PRLR: variants seen among roughly 807,000 people sequenced by gnomAD.
PRLR encodes prolactin receptor, also known as hPRL receptor.
A neutral mutation model predicts 40.2 loss-of-function variants in PRLR; 13 were observed. The observed-to-expected ratio is 0.32, with a 90% confidence interval of 0.21 to 0.51. The LOEUF is 0.51. Among genes scored for constraint, PRLR ranks in the 20% least tolerant of loss-of-function variants. The probability of loss-of-function intolerance (pLI) is 0.97; values close to 1 mark genes in which losing one functional copy is unlikely to be tolerated. For synonymous variants in PRLR, 269 were observed against 278.7 expected, an observed-to-expected ratio of 0.97 and a Z score of 0.35; for missense variants, 656 against 747.3, an observed-to-expected ratio of 0.88 and a Z score of 1.42.
chr5:35,135,084 A>G (rs186767087), intron 1 of PRLR, among the ~76,000 whole-genome samples: 9 of 142,468 alleles, frequency 6.3e-5, no homozygotes, highest in Admixed American at 2.0e-4. Flanking sequence ...TCATTTAGAG[A>G]TTTGTGTTTT....
chr5:35,195,607 A>T (rs1343705016), intron 1 of PRLR: 1 of 149,228 alleles, frequency 6.7e-6, no homozygotes, highest in African/African-American at 2.5e-5. Flanking sequence ...AGCCTTCCTC[A>T]TCTTTATTAG....
intron 1 of PRLR, among the ~76,000 whole-genome samples, chr5:35,181,925 C>T (rs1417499627): frequency 1.3e-5 from 2 of 152,164 alleles, no homozygotes; most frequent in East Asian, 3.9e-4. Flanking sequence ...TAGAGTTGGC[C>T]AATTATCACA....
At chr5:35,216,718 G>T (rs1776296419) in intron 1 of PRLR, among the ~76,000 whole-genome samples, 1 of 152,148 alleles carries the variant, frequency 6.6e-6, no homozygotes, top group Non-Finnish European at 1.5e-5. Context: ...CAATGATTTG[G>T]TTTGGCACTA....
At chr5:35,153,437 G>T (rs965517285) in intron 1 of PRLR, among the ~76,000 whole-genome samples, 5 of 152,240 alleles carry the variant, frequency 3.3e-5, no homozygotes, top group Admixed American at 2.0e-4. Context: ...GTGGGCCAGA[G>T]ATTTAGACCC....
At chr5:35,204,312 C>A (rs1775956960) in intron 1 of PRLR, among the ~76,000 whole-genome samples, 1 of 151,666 alleles carries the variant, frequency 6.6e-6, no homozygotes, top group South Asian at 2.1e-4. Context: ...TGGAAAGTAT[C>A]CTGGCCTGAG....
At position 35,056,298 on chromosome 5, in the gene PRLR, C is replaced by G. The variant is rs990897839; in HGVS notation, c.*8791G>C. 4 of 152,114 alleles carry G rather than the reference C, an allele frequency of 2.6e-5. No homozygotes were observed. The highest frequency in any genetic ancestry group is 2.6e-4 in the Admixed American group (4 of 15,268). The allele number at this position is 152,114 out of a possible 1,614,324, so 9.4% of individuals were successfully genotyped here. On this transcript the variant is annotated 3_prime_UTR_variant, in exon 10 of 10. Coordinates refer to ENST00000618457, the MANE Select transcript of PRLR (RefSeq NM_000949.7). ...CATCTGACAATATCAAAAACAGACT[C>G]AGTTTCATCTGCATAGTTTCGAGGG... is the stretch of plus-strand genomic sequence containing the variant.
chr5:35,185,061 T>G (rs1160725878), intron 1 of PRLR, among the ~76,000 whole-genome samples: 3 of 152,252 alleles, frequency 2.0e-5, no homozygotes, highest in African/African-American at 4.8e-5. Flanking sequence ...TGTAGGACAT[T>G]GTGAAGCATC....
intron 1 of PRLR, among the ~76,000 whole-genome samples, chr5:35,154,360 T>C (rs1029070285): frequency 2.6e-5 from 4 of 152,258 alleles, no homozygotes; most frequent in East Asian, 1.9e-4. Flanking sequence ...TAAATACTTT[T>C]TGATACATCT....
At chr5:35,220,039 C>T (rs902630956) in intron 1 of PRLR, among the ~76,000 whole-genome samples, 2 of 152,130 alleles carry the variant, frequency 1.3e-5, no homozygotes, top group African/African-American at 4.8e-5. Context: ...ATGATCCACC[C>T]TCCCCTCTTG....
intron 1 of PRLR, among the ~76,000 whole-genome samples, 199 bp from the exon 2 acceptor site, chr5:35,118,321 T>TAA (rs35030984): frequency 2.3e-4 from 32 of 139,562 alleles, no homozygotes; most frequent in African/African-American, 6.9e-4. Flanking sequence ...TATAAAATAG[T>TAA]AAAAAAAAAA....
Position 35,167,132 on chromosome 5 carries a change from G to T in PRLR, c.-105-49010C>A, listed in dbSNP as rs886833449. On this transcript the variant is annotated intron_variant, in intron 1 of 9. Transcript: ENST00000618457. The stretch of plus-strand genomic sequence containing the variant: ...TGCTAAAAATAACATCAATCTGTTT[G>T]TCTATCATCTATCTATCTATCTATC... Among the ~76,000 whole-genome samples, 139 of 142,380 alleles carry T rather than the reference G, an allele frequency of 9.8e-4. 1 individual carries two copies. Among genetic ancestry groups the T allele is most frequent in the Non-Finnish European group, 3.5e-4 (23 of 65,206 alleles). 93.4% of individuals were successfully genotyped at this position (142,380 alleles called of 152,430 possible).
intron 1 of PRLR, among the ~76,000 whole-genome samples, chr5:35,180,889 CT>C (rs896996285): frequency 3.9e-5 from 6 of 152,118 alleles, no homozygotes; most frequent in African/African-American, 1.4e-4. Context: ...TCATCCACCT[CT>C]TTTTTTAATA....
At chr5:35,067,010 G>A (rs973056087) in intron 9 of PRLR, among the ~76,000 whole-genome samples, 41 of 152,048 alleles carry the variant, frequency 2.7e-4, no homozygotes, top group African/African-American at 9.6e-4. Context: ...TGATCTGCCC[G>A]CCTCTGCCTT....
intron 2 of PRLR, among the ~76,000 whole-genome samples, chr5:35,114,798 C>A (rs1191935298): frequency 6.6e-6 from 1 of 152,146 alleles, no homozygotes; most frequent in Non-Finnish European, 1.5e-5. Context: ...GGCTACAAAG[C>A]CGACCCCAGT....
At chr5:35,068,900 A>T (rs1769570232) in intron 7 of PRLR, 22 bp from the exon 8 acceptor site, 1 of 1,549,348 alleles carries the variant, frequency 6.5e-7, no homozygotes, top group Admixed American at 1.7e-5. Flanking sequence ...ACAGCCAGAA[A>T]GCTTTGATCA....
downstream of PRLR, among the ~76,000 whole-genome samples, chr5:35,051,269 G>T (rs1330379374): frequency 6.6e-6 from 1 of 152,206 alleles, no homozygotes; most frequent in Admixed American, 6.5e-5. Flanking sequence ...GGCATACAGT[G>T]TTCAAGTATT....
At chr5:35,202,613 A>G (rs1351647137) in intron 1 of PRLR, among the ~76,000 whole-genome samples, 2 of 152,270 alleles carry the variant, frequency 1.3e-5, no homozygotes, top group East Asian at 3.9e-4. Flanking sequence ...TCACCTTTTC[A>G]TATTGGTGCC....
At chr5:35,206,544 G>C (rs1466247649) in intron 1 of PRLR, among the ~76,000 whole-genome samples, 4 of 152,194 alleles carry the variant, frequency 2.6e-5, no homozygotes, top group African/African-American at 9.6e-5. Flanking sequence ...ACTGAGGAAA[G>C]GTTGGAAGGA....
chr5:35,163,501 C>T (rs894864949), intron 1 of PRLR, among the ~76,000 whole-genome samples: 3 of 152,124 alleles, frequency 2.0e-5, no homozygotes, highest in African/African-American at 7.2e-5. Context: ...ATTCAGGCTG[C>T]ATAAAAGAAA....
Sources: allele counts gnomAD v4.1 joint callset (sites outside exome capture counted in the v4.1 genomes callset), GRCh38; gene constraint gnomAD v4.1.1; transcripts MANE v1.5; gene names NCBI Gene and HGNC (gene_info 2026-07-23, HGNC 2026-07-21).